Variants in TJAP1 observed in about 807,000 individuals in gnomAD.
The protein encoded by TJAP1 is tight junction-associated protein 1.
In TJAP1, 27 loss-of-function variants were observed where a neutral mutation model predicts 42.0. That is an observed-to-expected ratio of 0.64 (90% CI 0.47 to 0.89). The LOEUF is 0.89. Ranked by LOEUF, TJAP1 falls within the 40% of genes least tolerant of loss-of-function variation. The probability of loss-of-function intolerance (pLI) is 0.00; values close to 1 mark genes in which losing one functional copy is unlikely to be tolerated. For missense variants in TJAP1, 712 were observed against 726.9 expected, an observed-to-expected ratio of 0.98 and a Z score of 0.24; for synonymous variants, 257 against 288.4, an observed-to-expected ratio of 0.89 and a Z score of 1.10.
chr6:43,479,991 A>G (rs989869298), intron 2 of TJAP1, among the ~76,000 whole-genome samples: 5 of 146,756 alleles, frequency 3.4e-5, no homozygotes, highest in Middle Eastern at 3.6e-3. Flanking sequence ...AAGCGTCTCC[A>G]AAAAAAAAAA....
In TJAP1 at chr6:43,503,528, C is replaced by T. The variant is rs1198385777; in HGVS notation, c.495+20C>T. On this transcript the variant is annotated intron_variant, in intron 9 of 10. Coordinates refer to ENST00000372449, the Ensembl canonical transcript of TJAP1. ...CTCAATGTATGTGCGCTTCACTACT[C>T]GGGCCTTCCTCACCTGGGGCTAGCT... The T allele has an allele frequency of 2.4e-5, 39 of 1,611,360 alleles. No homozygotes were observed. Among genetic ancestry groups the T allele is most frequent in the South Asian group, 4.4e-5 (4 of 91,016 alleles).
At chr6:43,504,074 G>C (rs1019325151) in intron 10 of TJAP1, 15 of 409,302 alleles carry the variant, frequency 3.7e-5, no homozygotes, top group Non-Finnish European at 6.6e-5. Context: ...TCAGGCCCAA[G>C]GTTTATGTGG....
intron 2 of TJAP1, among the ~76,000 whole-genome samples, chr6:43,493,156 T>C (rs1218611077): frequency 1.3e-5 from 2 of 152,242 alleles, no homozygotes. Context: ...TCCGTTTGAC[T>C]TTGCTTGGTT....
chr6:43,498,402 T>C (rs1009268875), intron 3 of TJAP1, among the ~76,000 whole-genome samples: 14 of 152,020 alleles, frequency 9.2e-5, no homozygotes, highest in African/African-American at 2.7e-4. Flanking sequence ...GTACAAAAAA[T>C]AGCCAGGTGC....
At chr6:43,478,766 G>A (rs1430428664) in intron 2 of TJAP1, 1 of 152,148 alleles carries the variant, frequency 6.6e-6, no homozygotes, top group Non-Finnish European at 1.5e-5. Flanking sequence ...ATTTTGGTGG[G>A]GGTATCAGAG....
chr6:43,503,172 G>C (rs1441011671), intron 8 of TJAP1: 1 of 570,932 alleles, frequency 1.8e-6, no homozygotes, highest in African/African-American at 1.9e-5. Flanking sequence ...CCTGTGTCCT[G>C]GGCCCAGGTG....
chr6:43,504,564 T>C (rs2127658583), intron 10 of TJAP1, 197 bp from the exon 11 acceptor site: 1 of 714,298 alleles, frequency 1.4e-6, no homozygotes, highest in African/African-American at 1.8e-5. Flanking sequence ...TAACCAAAGC[T>C]TTGAGTTGTC....
chr6:43,505,183 C>G lies in TJAP1; in HGVS notation c.1002C>G (p.Phe334Leu). The G allele has an allele frequency of 3.1e-6, 5 of 1,614,220 alleles. No homozygotes were observed. The highest frequency in any genetic ancestry group is 4.2e-6 in the Non-Finnish European group (5 of 1,180,034). Residue 334 changes from phenylalanine to leucine, a missense_variant, in exon 11 of 11, where the codon TTC becomes TTG. Around this residue, in one of 3 missense-constraint regions of TJAP1, gnomAD observed 549 missense variants for 528.2 expected, o/e 1.04. Transcript: ENST00000372449. This position sits in a 1 kb window ranked among gnomAD's most constrained non-coding sequence, Gnocchi z 5.5. ...ATCCTGGCCGCAGGGTAATAGAGTT[C>G]TCTGAGGATAAGGTTCGGATCCCCC...
chr6:43,495,425 G>A lies in TJAP1; in HGVS notation c.-121-2456G>A, dbSNP rs1216561971. Among the ~76,000 whole-genome samples, 1 of 152,198 alleles carries A rather than the reference G, an allele frequency of 6.6e-6. No homozygotes were observed. The highest frequency in any genetic ancestry group is 6.5e-5 in the Admixed American group (1 of 15,284). On this transcript the variant is annotated intron_variant, in intron 2 of 10. Coordinates refer to ENST00000372449, the Ensembl canonical transcript of TJAP1. This position sits in a 1 kb window ranked among gnomAD's most constrained non-coding sequence, Gnocchi z 4.6. ...GGGCACTCAGCAGATTTCAGAAGTT[G>A]GAGCTAGGGCCTGGGTGTTGGGCAC...
chr6:43,502,257 A>T, intron 6 of TJAP1, 26 bp from the exon 7 acceptor site: 1 of 1,613,488 alleles, frequency 6.2e-7, no homozygotes, highest in African/African-American at 1.3e-5. Flanking sequence ...TGACCCAGGG[A>T]TGTGCCTTGT....
intron 2 of TJAP1, among the ~76,000 whole-genome samples, chr6:43,488,513 C>G (rs1787072156): frequency 6.6e-6 from 1 of 152,262 alleles, no homozygotes; most frequent in Non-Finnish European, 1.5e-5. Flanking sequence ...GCACTCCCAT[C>G]TCACCTGTGT....
At position 43,502,575 on chromosome 6, in the gene TJAP1, A is replaced by C. The variant is rs1561822804; in HGVS notation, c.358-13A>C. The C allele has an allele frequency of 9.1e-6, 14 of 1,544,468 alleles. No individual in the cohort carries two copies. Among genetic ancestry groups the C allele is most frequent in the Non-Finnish European group, 1.1e-5 (12 of 1,141,264 alleles). On this transcript the variant is annotated splice_polypyrimidine_tract_variant and intron_variant, in intron 7 of 10. Transcript: ENST00000372449. ...CTCATGCTGCCACCGTTGCTGCTGC[A>C]CTCTCCTCTCAGGCCTCTCTTAGCC...
In TJAP1 at chr6:43,505,428, G is replaced by A. The variant is rs149804539; in HGVS notation, c.1247G>A (p.Arg416Gln). ...GAGGACCTGCTGGTCAGCTGGCAGC[G>A]GGCATTTGTGGACCGTACTCCACCA... The change falls in exon 11 of 11, where the codon CGG becomes CAG. Residue 416 changes from arginine to glutamine, a missense_variant. By Grantham distance (43) the Arg-to-Gln change is conservative (BLOSUM62 1). Transcript: ENST00000372449. This position sits in a 1 kb window ranked among gnomAD's most constrained non-coding sequence, Gnocchi z 5.5. The A allele has an allele frequency of 2.7e-5, 44 of 1,612,774 alleles. No individual in the cohort carries two copies. The highest frequency in any genetic ancestry group is 7.7e-5 in the South Asian group (7 of 91,066).
chr6:43,499,339 C>T (rs1789985009), intron 4 of TJAP1, among the ~76,000 whole-genome samples: 1 of 152,234 alleles, frequency 6.6e-6, no homozygotes, highest in East Asian at 1.9e-4. Context: ...TGTAGCTTAG[C>T]AGAAATGATC....
intron 10 of TJAP1, chr6:43,504,036 C>T (rs995365016): frequency 1.9e-6 from 1 of 513,362 alleles, no homozygotes. Flanking sequence ...CATGTTACCC[C>T]AAGGGGTAAA....
chr6:43,499,076 T>G (rs777001618), exon 4 of TJAP1: 1 of 1,614,008 alleles, frequency 6.2e-7, no homozygotes, highest in South Asian at 1.1e-5. Flanking sequence ...GTTTGGAAAT[T>G]CCTGGATCCC....
At position 43,501,707 on chromosome 6, in the gene TJAP1, GACACACACACACACAC is replaced by G. The variant is rs70990192; in HGVS notation, c.290+57_290+72del. 1.3e-3 allele frequency: 716 copies of G among 571,738 alleles called. 1 individual carries two copies. Among genetic ancestry groups the G allele is most frequent in the African/African-American group, 9.0e-3 (339 of 37,526 alleles). The allele number at this position is 571,738 out of a possible 1,614,324, so 35.4% of individuals were successfully genotyped here. A position where few individuals can be genotyped will look rare whatever the true frequency, so the allele number is the denominator to read the frequency against. On this transcript the variant is annotated intron_variant, in intron 6 of 10. Transcript: ENST00000372449. Reference sequence around the variant, plus strand: ...CCGCAGGTGTGGGAATGAGGGGCCAGACACACACACACACACACACACACACACACACACACACACA... The same window carrying G: ...CCGCAGGTGTGGGAATGAGGGGCCAGACACACACACACACACACACACACA...
intron 1 of TJAP1, 49 bp downstream of exon 1, chr6:43,477,677 G>C (rs559804431): frequency 6.6e-6 from 1 of 152,198 alleles, no homozygotes; most frequent in Non-Finnish European, 1.5e-5. Context: ...GAGTTGGGGA[G>C]GATTGCGGGG....
chr6:43,503,756 G>A (rs1791535946), intron 10 of TJAP1, 50 bp downstream of exon 10: 2 of 1,521,356 alleles, frequency 1.3e-6, no homozygotes, highest in Non-Finnish European at 1.8e-6. Flanking sequence ...TCCGGCCACT[G>A]TAGGACTCCT....
Sources: allele counts gnomAD v4.1 joint callset (sites outside exome capture counted in the v4.1 genomes callset), GRCh38; gene constraint gnomAD v4.1.1; regional missense constraint gnomAD v4.1.1; non-coding constraint Gnocchi (gnomAD v3.1); transcripts MANE v1.5; gene names NCBI Gene and HGNC (gene_info 2026-07-23, HGNC 2026-07-21).